The following BEND2 variants were observed in gnomAD, a reference collection of about 807,000 sequenced individuals.
BEND2 encodes the protein BEN domain-containing protein 2.
A neutral mutation model predicts 43.8 loss-of-function variants in BEND2; 19 were observed. The ratio of observed to expected loss-of-function variants is 0.43; its 90% CI spans 0.30 to 0.64. BEND2 has a LOEUF of 0.64. Among genes scored for constraint, BEND2 ranks in the 30% least tolerant of loss-of-function variants. BEND2 has a pLI of 0.11. For missense variants in BEND2, 544 were observed against 574.0 expected (o/e 0.95, Z 0.53); for synonymous variants, 226 against 210.1 (o/e 1.08, Z -0.66).
intron 10 of BEND2, among the ~76,000 whole-genome samples, chrX:18,177,049 C>T (rs1225390274): frequency 1.8e-5 from 2 of 110,672 alleles, no homozygotes; most frequent in Non-Finnish European, 3.8e-5. Context: ...CTATGAGCTC[C>T]TCATAGGCAG....
At position 18,201,775 on chromosome X, in the gene BEND2, G is replaced by A. The variant is rs1458001957; in HGVS notation, c.1033+40C>T. Reference sequence around the variant, plus strand: ...CCCAAAGTGCTGGGATTACAAGTGTGAGCCACCACGCCCAGCATTATGTAT... The same window carrying A: ...CCCAAAGTGCTGGGATTACAAGTGTAAGCCACCACGCCCAGCATTATGTAT... On this transcript the variant is annotated intron_variant, in intron 6 of 13. Coordinates refer to ENST00000380033, the MANE Select transcript of BEND2 (RefSeq NM_153346.5). The A allele has an allele frequency of 2.5e-6, 3 of 1,176,616 alleles. No individual in the cohort carries two copies. The Admixed American group carries it at 7.1e-5, about 28-fold the overall frequency.
chrX:18,180,490 G>A lies in BEND2; in HGVS notation c.1429+20C>T. Reference sequence around the variant, plus strand: ...TAGCTCAAATAGTGCCACTTATAATGTGTGTTATTTCAAACTCACCATACT... The same window carrying A: ...TAGCTCAAATAGTGCCACTTATAATATGTGTTATTTCAAACTCACCATACT... On this transcript the variant is annotated intron_variant, in intron 9 of 13. Coordinates refer to ENST00000380033, the MANE Select transcript of BEND2 (RefSeq NM_153346.5). 4 of 1,205,168 alleles carry A rather than the reference G, an allele frequency of 3.3e-6. No homozygotes were observed.
rs1474078932 is a variant in BEND2 at position 18,164,226 on chromosome X, T to C, written c.*783A>G. Reference sequence around the variant, plus strand: ...TTTTAGTAGAGATGGGGTTTCGTCATGTTGGCCAGGCTGGTCTCGAACCCC... The same window carrying C: ...TTTTAGTAGAGATGGGGTTTCGTCACGTTGGCCAGGCTGGTCTCGAACCCC... On this transcript the variant is annotated 3_prime_UTR_variant, in exon 14 of 14. Coordinates refer to ENST00000380033, the MANE Select transcript of BEND2 (RefSeq NM_153346.5). 9.0e-6 allele frequency: 1 copy of C among 110,624 alleles called. No individual in the cohort carries two copies. 9.1% of individuals were successfully genotyped at this position (110,624 alleles called of 1,213,427 possible). A position where few individuals can be genotyped will look rare whatever the true frequency, so the allele number is the denominator to read the frequency against.
chrX:18,213,740 C>G, intron 3 of BEND2, 34 bp downstream of exon 3: 1 of 142,603 alleles, frequency 7.0e-6, no homozygotes. Flanking sequence ...AGCAAGATAT[C>G]ATCTCTACTA....
chrX:18,176,516 A>G (rs773591649), intron 10 of BEND2, among the ~76,000 whole-genome samples: 1 of 109,287 alleles, frequency 9.2e-6, no homozygotes, highest in Non-Finnish European at 1.9e-5. Context: ...CCATCTCTAT[A>G]AAAAATACAA....
At chrX:18,167,193 A>G (rs986974828) in intron 13 of BEND2, among the ~76,000 whole-genome samples, 8 of 109,619 alleles carry the variant, frequency 7.3e-5, no homozygotes, top group African/African-American at 2.3e-4. Context: ...AGGTGGGAGG[A>G]TCATTTGAGC....
At chrX:18,208,925 A>G (rs924444679) in intron 4 of BEND2, among the ~76,000 whole-genome samples, 3 of 111,126 alleles carry the variant, frequency 2.7e-5, no homozygotes, top group African/African-American at 9.8e-5. Context: ...GTCTCCAACT[A>G]AAGGAACCGG....
At chrX:18,170,353 T>C (rs984472939) in intron 13 of BEND2, among the ~76,000 whole-genome samples, 48 of 112,224 alleles carry the variant, frequency 4.3e-4, no homozygotes, top group African/African-American at 1.6e-3. Context: ...TGATAACAAA[T>C]GCTTATAAGA....
intron 4 of BEND2, among the ~76,000 whole-genome samples, chrX:18,212,092 C>CTTTTTTT (rs758303697): frequency 1.1e-4 from 8 of 71,049 alleles, no homozygotes; most frequent in African/African-American, 2.6e-4. Context: ...TTATTACTGT[C>CTTTTTTT]TTTTTTTTTT....
intron 4 of BEND2, among the ~76,000 whole-genome samples, chrX:18,208,654 T>C (rs1231739965): frequency 4.5e-5 from 5 of 111,287 alleles, no homozygotes; most frequent in Non-Finnish European, 9.4e-5. Flanking sequence ...AAAGAGAATA[T>C]GAGAATAAAA....
chrX:18,189,533 G>A (rs1353630506), intron 8 of BEND2, among the ~76,000 whole-genome samples: 1 of 110,608 alleles, frequency 9.0e-6, no homozygotes, highest in Non-Finnish European at 1.9e-5. Flanking sequence ...GACCAAGTGG[G>A]ATTTATCCCA....
At chrX:18,176,670 C>T (rs952217834) in intron 10 of BEND2, among the ~76,000 whole-genome samples, 3 of 110,155 alleles carry the variant, frequency 2.7e-5, no homozygotes, top group Non-Finnish European at 5.7e-5. Context: ...CAGAGCAAGA[C>T]CATGCGTCTG....
At chrX:18,212,473 T>G (rs1444284700) in intron 4 of BEND2, 92 bp downstream of exon 4, 3 of 622,033 alleles carry the variant, frequency 4.8e-6, no homozygotes, top group Non-Finnish European at 7.6e-6. Flanking sequence ...TTTTACTGCA[T>G]GAAATTCAAC....
chrX:18,177,650 C>T lies in BEND2; in HGVS notation c.1549G>A (p.Glu517Lys), dbSNP rs756416335. 9 of 1,209,088 alleles carry T rather than the reference C, an allele frequency of 7.4e-6. No homozygotes were observed. The highest frequency in any genetic ancestry group is 2.2e-5 in the Admixed American group (1 of 45,677). Reference sequence around the variant, plus strand: ...TCCACTGAGCTGCTAATCAGGATTTCCTTGGAGAACAAAATACGAACCAAG... The same window carrying T: ...TCCACTGAGCTGCTAATCAGGATTTTCTTGGAGAACAAAATACGAACCAAG... ...CYLVRILFSKEILISSSVDIH... is the reference protein window; with the variant it reads ...CYLVRILFSKKILISSSVDIH... Residue 517 changes from glutamate (E) to lysine (K), a missense_variant, in exon 10 of 14, where the codon GAA becomes AAA. By Grantham distance (56) the Glu-to-Lys change is moderately conservative. Transcript: ENST00000380033.
At chrX:18,207,192 C>T (rs1000487340) in intron 4 of BEND2, among the ~76,000 whole-genome samples, 1 of 112,153 alleles carries the variant, frequency 8.9e-6, no homozygotes, top group Non-Finnish European at 1.9e-5. Context: ...TCTGTTCTCC[C>T]CCATGATCAT....
Position 18,220,848 on chromosome X carries a change from T to C in BEND2, c.-98A>G. Reference sequence around the variant, plus strand: ...GGCTCTGAGGTAACTGCTTGGTAACTGTGTGGTAACTGCGTACACTCGTTG... The same window carrying C: ...GGCTCTGAGGTAACTGCTTGGTAACCGTGTGGTAACTGCGTACACTCGTTG... On this transcript the variant is annotated 5_prime_UTR_variant, in exon 1 of 14. Transcript: ENST00000380033. The C allele has an allele frequency of 1.0e-6, 1 of 970,109 alleles. No homozygotes were observed. The highest frequency in any genetic ancestry group is 2.2e-5 in the South Asian group (1 of 45,102). The allele number at this position is 970,109 out of a possible 1,213,427, so 79.9% of individuals were successfully genotyped here. A position where few individuals can be genotyped will look rare whatever the true frequency, so the allele number is the denominator to read the frequency against.
chrX:18,205,861 C>A (rs1925318407), intron 4 of BEND2, among the ~76,000 whole-genome samples: 1 of 110,937 alleles, frequency 9.0e-6, no homozygotes. Flanking sequence ...TATGTTTTCA[C>A]AAGCCCTCCA....
intron 8 of BEND2, among the ~76,000 whole-genome samples, chrX:18,189,907 G>A (rs768053272): frequency 2.7e-5 from 3 of 109,918 alleles, no homozygotes; most frequent in African/African-American, 6.6e-5. Flanking sequence ...AAAATTAGCC[G>A]AGCATGGTGG....
At chrX:18,198,186 G>A (rs1174687899) in intron 6 of BEND2, among the ~76,000 whole-genome samples, 7 of 110,721 alleles carry the variant, frequency 6.3e-5, no homozygotes, top group Admixed American at 4.9e-4. Flanking sequence ...GGCAACAAAA[G>A]ACAAAATTGA....
Sources: gnomAD v4.1 joint callset for allele counts (sites outside exome capture counted in the v4.1 genomes callset) on GRCh38, gnomAD v4.1.1 for gene constraint, MANE v1.5 for transcripts, NCBI Gene and HGNC (gene_info 2026-07-23, HGNC 2026-07-21) for gene names.